The following TMCC3 variants were observed in gnomAD, a reference collection of about 807,000 sequenced individuals.
The protein encoded by TMCC3 is transmembrane and coiled-coil domain protein 3.
In TMCC3, 28 loss-of-function variants were observed where a neutral mutation model predicts 40.2. The observed-to-expected ratio is 0.70, with a 90% CI of 0.52 to 0.95. TMCC3 has a LOEUF of 0.95. Ranked by LOEUF, TMCC3 falls within the 40% of genes least tolerant of loss-of-function variation. The pLI, the probability that TMCC3 is intolerant of heterozygous loss-of-function variation, is 0.00. For synonymous variants in TMCC3, 255 were observed against 248.5 expected, an observed-to-expected ratio of 1.03 and a Z score of -0.25; for missense variants, 554 against 615.2, an observed-to-expected ratio of 0.90 and a Z score of 1.05.
intron 1 of TMCC3, among the ~76,000 whole-genome samples, chr12:94,648,124 T>C (rs957555417): frequency 2.0e-5 from 3 of 152,186 alleles, no homozygotes; most frequent in Non-Finnish European, 2.9e-5. Context: ...ACATATAATG[T>C]CTAACTCAGT....
At chr12:94,624,769 C>T (rs891246506) in intron 1 of TMCC3, among the ~76,000 whole-genome samples, 3 of 151,942 alleles carry the variant, frequency 2.0e-5, no homozygotes, top group Non-Finnish European at 4.4e-5. Flanking sequence ...CTGATTCATG[C>T]TACAACATGC....
intron 1 of TMCC3, among the ~76,000 whole-genome samples, chr12:94,650,135 G>A (rs2069047098): frequency 6.6e-6 from 1 of 152,110 alleles, no homozygotes; most frequent in African/African-American, 2.4e-5. Context: ...CGCCGTGAGG[G>A]GCAGGCGGAC....
rs150757285 is a variant in TMCC3 at position 94,582,293 on chromosome 12, C to T, written c.324G>A (p.Ala108=). The change falls in exon 2 of 4, where the codon GCG becomes GCA. Residue 108 remains alanine, a synonymous_variant. Transcript: ENST00000261226. ...TCTCAAAGACTTGCTTGATACGTCC[C>T]GCCTGCTGCTTGTCTGCGTTGTTCA... ...KLVNNADKQQ[A]GRIKQVFEKK... is the part of the protein sequence containing the mutation. 9 of 1,614,026 alleles carry T rather than the reference C, an allele frequency of 5.6e-6. No homozygotes were observed. The highest frequency in any genetic ancestry group is 2.7e-5 in the African/African-American group (2 of 74,994).
intron 1 of TMCC3, among the ~76,000 whole-genome samples, chr12:94,601,835 A>AAT: frequency 6.7e-6 from 1 of 150,100 alleles, no homozygotes; most frequent in African/African-American, 2.4e-5. Flanking sequence ...AAAAAAAAAA[A>AAT]AGAGAAGAAA....
chr12:94,635,971 A>G (rs767309412), intron 1 of TMCC3, among the ~76,000 whole-genome samples: 2 of 151,938 alleles, frequency 1.3e-5, no homozygotes, highest in African/African-American at 4.9e-5. Context: ...GCCTGGCCTC[A>G]AAATGTTCAT....
rs1267035388 is a variant in TMCC3 at position 94,568,645 on chromosome 12, A to G, written c.*2790T>C. On this transcript the variant is annotated 3_prime_UTR_variant, in exon 4 of 4. Coordinates refer to ENST00000261226, the MANE Select transcript of TMCC3 (RefSeq NM_020698.4). Reference sequence around the variant, plus strand: ...TCCTTACACATTGAAGAGAACAAACAGTGGGAGTGTTTATTCCTTAAGAGA... The same window carrying G: ...TCCTTACACATTGAAGAGAACAAACGGTGGGAGTGTTTATTCCTTAAGAGA... 6.6e-6 allele frequency: 1 copy of G among 152,232 alleles called. No individual in the cohort carries two copies. Among genetic ancestry groups the G allele is most frequent in the African/African-American group, 2.4e-5 (1 of 41,464 alleles). The allele number at this position is 152,232 out of a possible 1,614,324, so 9.4% of individuals were successfully genotyped here.
Position 94,567,150 on chromosome 12 carries a change from T to G in TMCC3, c.*4285A>C, listed in dbSNP as rs1017233372. On this transcript the variant is annotated 3_prime_UTR_variant, in exon 4 of 4. Coordinates refer to ENST00000261226, the MANE Select transcript of TMCC3 (RefSeq NM_020698.4). ...AAATTTAAGAAATCTACCTCTTTAT[T>G]TAACACCAAAGCTAACATCAAGTGT... 1 of 152,230 alleles carries G rather than the reference T, an allele frequency of 6.6e-6. No homozygotes were observed. The highest frequency in any genetic ancestry group is 2.4e-5 in the African/African-American group (1 of 41,458). 9.4% of individuals were successfully genotyped at this position (152,230 alleles called of 1,614,324 possible).
chr12:94,569,517 CA>C lies in TMCC3; in HGVS notation c.*1917del, dbSNP rs2068514113. 6.6e-6 allele frequency: 1 copy of C among 152,000 alleles called. No individual in the cohort carries two copies. Among genetic ancestry groups the C allele is most frequent in the African/African-American group, 2.4e-5 (1 of 41,346 alleles). 9.4% of individuals were successfully genotyped at this position (152,000 alleles called of 1,614,324 possible). A position where few individuals can be genotyped will look rare whatever the true frequency, so the allele number is the denominator to read the frequency against. On this transcript the variant is annotated 3_prime_UTR_variant, in exon 4 of 4. Coordinates refer to ENST00000261226, the MANE Select transcript of TMCC3 (RefSeq NM_020698.4). ...TGGTAAGGGAGCTCTTCTCTGAATC[CA>C]AAATACTTTATCACCAAAGATTTCA...
At chr12:94,585,270 C>A (rs6538516) in intron 1 of TMCC3, among the ~76,000 whole-genome samples, 83,714 of 151,928 alleles carry the variant, frequency 0.55, 23,165 homozygotes, top group Non-Finnish European at 0.57. Flanking sequence ...CCTGAAGGAC[C>A]CCTTAAGAAT....
At position 94,593,452 on chromosome 12, in the gene TMCC3, G is replaced by GAGAAGA. The variant is rs370270093; in HGVS notation, c.79-10920_79-10915dup. ...GAAGAAGGAGAAGGAGAAGGAGAAG[G>GAGAAGA]AGAAGAAGAAGAAGAAGAAGAAGAA... On this transcript the variant is annotated intron_variant, in intron 1 of 3. Coordinates refer to ENST00000261226, the MANE Select transcript of TMCC3 (RefSeq NM_020698.4). Among the ~76,000 whole-genome samples the GAGAAGA allele has an allele frequency of 7.3e-5, 9 of 122,740 alleles. 4 individuals are homozygous for GAGAAGA. Among genetic ancestry groups the GAGAAGA allele is most frequent in the Non-Finnish European group, 1.0e-4 (6 of 60,294 alleles). 80.5% of individuals were successfully genotyped at this position (122,740 alleles called of 152,430 possible).
chr12:94,624,149 G>A (rs1005686689), intron 1 of TMCC3, among the ~76,000 whole-genome samples: 2 of 152,230 alleles, frequency 1.3e-5, no homozygotes, highest in African/African-American at 2.4e-5. Context: ...TGGTGAGGAT[G>A]TGGAGAAATC....
At chr12:94,625,807 C>G (rs2068901650) in intron 1 of TMCC3, among the ~76,000 whole-genome samples, 1 of 152,172 alleles carries the variant, frequency 6.6e-6, no homozygotes, top group Admixed American at 6.5e-5. Context: ...GGGGAGCGAT[C>G]TAGAGCACCA....
At position 94,589,421 on chromosome 12, in the gene TMCC3, G is replaced by A. The variant is rs367549208; in HGVS notation, c.79-6883C>T. On this transcript the variant is annotated intron_variant, in intron 1 of 3. Coordinates refer to ENST00000261226, the MANE Select transcript of TMCC3 (RefSeq NM_020698.4). Reference sequence around the variant, plus strand: ...ACGGTGGGGCCTCTACCGTCTGGACGTTCTCTAAAAGACAGAGAACTCATT... The same window carrying A: ...ACGGTGGGGCCTCTACCGTCTGGACATTCTCTAAAAGACAGAGAACTCATT... Among the ~76,000 whole-genome samples, 8 of 151,754 alleles carry A rather than the reference G, an allele frequency of 5.3e-5. No individual in the cohort carries two copies. The South Asian group carries it at 6.2e-4, about 12-fold the overall frequency.
intron 2 of TMCC3, 97 bp downstream of exon 2, chr12:94,581,525 A>G (rs2068600997): frequency 2.4e-6 from 2 of 849,460 alleles, no homozygotes; most frequent in African/African-American, 3.5e-5. Flanking sequence ...ATCCGTGGTA[A>G]TAAAAAAGTT....
At chr12:94,628,287 G>T (rs999686250) in intron 1 of TMCC3, among the ~76,000 whole-genome samples, 2 of 152,200 alleles carry the variant, frequency 1.3e-5, no homozygotes, top group African/African-American at 2.4e-5. Flanking sequence ...GGGAGGCAAA[G>T]AGCAGCCTAC....
chr12:94,650,481 G>T lies in TMCC3; in HGVS notation c.-51C>A, dbSNP rs1312401005. 1.0e-4 allele frequency: 123 copies of T among 1,226,900 alleles called. No individual in the cohort carries two copies. The highest frequency in any genetic ancestry group is 1.2e-4 in the Non-Finnish European group (121 of 978,360). The allele number at this position is 1,226,900 out of a possible 1,614,324, so 76.0% of individuals were successfully genotyped here. ...CCGTCTTCTGGGGCTGCCGCGCCGC[G>T]AGCCACCGGCTGTGCTCGGGATCAC... On this transcript the variant is annotated 5_prime_UTR_variant, in exon 1 of 4. Transcript: ENST00000261226.
chr12:94,593,294 G>A (rs960373034), intron 1 of TMCC3, among the ~76,000 whole-genome samples: 1 of 150,218 alleles, frequency 6.7e-6, no homozygotes, highest in Admixed American at 6.7e-5. Context: ...TTGGACCCTG[G>A]AGGCAGAGGT....
chr12:94,600,240 G>GTTTTTTT (rs530585319), intron 1 of TMCC3, among the ~76,000 whole-genome samples: 2 of 102,070 alleles, frequency 2.0e-5, no homozygotes, highest in African/African-American at 4.0e-5. Context: ...CCAAATTCTG[G>GTTTTTTT]TTTTTTTTTT....
intron 1 of TMCC3, among the ~76,000 whole-genome samples, chr12:94,627,875 A>G (rs2068911966): frequency 1.3e-5 from 2 of 152,256 alleles, no homozygotes; most frequent in Admixed American, 6.5e-5. Flanking sequence ...TTGCCCTACC[A>G]GAATACATAT....
Sources: gnomAD v4.1 joint callset for allele counts (sites outside exome capture counted in the v4.1 genomes callset) on GRCh38, gnomAD v4.1.1 for gene constraint, MANE v1.5 for transcripts, NCBI Gene and HGNC (gene_info 2026-07-23, HGNC 2026-07-21) for gene names.